MIPOL1: variants seen among roughly 807,000 people sequenced by gnomAD.
MIPOL1 encodes mirror-image polydactyly gene 1 protein.
A neutral mutation model predicts 60.9 loss-of-function variants in MIPOL1; 57 were observed. That is an observed-to-expected ratio of 0.94 (90% confidence interval 0.76 to 1.17). The LOEUF (loss-of-function observed/expected upper bound fraction) is 1.17. MIPOL1 is among the 50% of genes most tolerant of loss of function. The pLI, the probability that MIPOL1 is intolerant of heterozygous loss-of-function variation, is 0.00. For synonymous variants in MIPOL1, 179 were observed against 168.8 expected, an observed-to-expected ratio of 1.06 and a Z score of -0.47; for missense variants, 551 against 511.6, an observed-to-expected ratio of 1.08 and a Z score of -0.74.
chr14:37,239,141 G>T (rs1013312558), intron 1 of MIPOL1, among the ~76,000 whole-genome samples: 2 of 150,784 alleles, frequency 1.3e-5, no homozygotes, highest in Non-Finnish European at 2.9e-5. Context: ...TGCCTCCCAG[G>T]TTCACACCTT....
chr14:37,546,837 GCC>G (rs2095549309), intron 12 of MIPOL1, 66 bp from the exon 13 acceptor site: 1 of 1,247,136 alleles, frequency 8.0e-7, no homozygotes, highest in Non-Finnish European at 1.2e-6. Context: ...TCCTTTATCA[GCC>G]AGGACATTCT....
At chr14:37,206,020 C>T (rs991887573) in intron 1 of MIPOL1, among the ~76,000 whole-genome samples, 1 of 152,052 alleles carries the variant, frequency 6.6e-6, no homozygotes, top group African/African-American at 2.4e-5. Context: ...AAAAGAAAAA[C>T]CCATTTTCTG....
chr14:37,266,372 C>G (rs577936162), intron 3 of MIPOL1, among the ~76,000 whole-genome samples: 1 of 152,132 alleles, frequency 6.6e-6, no homozygotes, highest in Non-Finnish European at 1.5e-5. Context: ...GGTCACCATG[C>G]TAGTTTTCTG....
At chr14:37,362,640 T>A (rs1484189282) in intron 9 of MIPOL1, among the ~76,000 whole-genome samples, 3 of 152,198 alleles carry the variant, frequency 2.0e-5, no homozygotes, top group African/African-American at 7.2e-5. Context: ...ATTTCCTGAA[T>A]TTGAATGTTG....
chr14:37,299,203 A>G (rs2086112770), intron 7 of MIPOL1, among the ~76,000 whole-genome samples: 1 of 151,918 alleles, frequency 6.6e-6, no homozygotes, highest in Non-Finnish European at 1.5e-5. Context: ...AAGGACAAAA[A>G]ACCAAACACC....
chr14:37,531,407 A>G (rs2153636315), intron 12 of MIPOL1, among the ~76,000 whole-genome samples: 1 of 152,264 alleles, frequency 6.6e-6, no homozygotes, highest in African/African-American at 2.4e-5. Flanking sequence ...CCTGCACTGA[A>G]CAACTAAAAG....
In MIPOL1 at chr14:37,209,381, G is replaced by A. The variant is rs981175566; in HGVS notation, c.-199+11277G>A. Among the ~76,000 whole-genome samples the A allele has an allele frequency of 5.3e-5, 8 of 152,196 alleles. No individual in the cohort carries two copies. In the South Asian group the frequency reaches 8.3e-4, roughly 16 times the overall value. ...TTTAGAAATTATATAACATAAGGCT[G>A]GGCATGGTGGCTCACCCATGTAATC... On this transcript the variant is annotated intron_variant, in intron 1 of 12. Transcript: ENST00000684589.
At chr14:37,428,645 G>A (rs576390185) in intron 11 of MIPOL1, among the ~76,000 whole-genome samples, 1 of 148,192 alleles carries the variant, frequency 6.7e-6, no homozygotes, top group African/African-American at 2.5e-5. Flanking sequence ...AAAAAAGTGG[G>A]TTTTTTTCCA....
At chr14:37,298,014 C>A (rs1238302564) in intron 7 of MIPOL1, among the ~76,000 whole-genome samples, 1 of 152,148 alleles carries the variant, frequency 6.6e-6, no homozygotes, top group African/African-American at 2.4e-5. Context: ...GCCAAAAGAA[C>A]AAAGCTGGAG....
chr14:37,214,959 G>A (rs1967363226), intron 1 of MIPOL1, among the ~76,000 whole-genome samples: 2 of 151,988 alleles, frequency 1.3e-5, no homozygotes, highest in South Asian at 2.1e-4. Flanking sequence ...AGGCCCACCC[G>A]CAGTTATCCG....
At chr14:37,304,519 GA>G (rs1299474377) in intron 7 of MIPOL1, among the ~76,000 whole-genome samples, 4 of 151,596 alleles carry the variant, frequency 2.6e-5, no homozygotes, top group African/African-American at 9.7e-5. Context: ...GTGGTGTGTA[GA>G]AAATGAGAGA....
Position 37,247,873 on chromosome 14 carries a change from A to G in MIPOL1, c.-16A>G, listed in dbSNP as rs2153356112. On this transcript the variant is annotated 5_prime_UTR_variant, in exon 3 of 13. Coordinates refer to ENST00000684589, the MANE Select transcript of MIPOL1 (RefSeq NM_001388067.1). ...AACCAGAGACATTGCCAGAGCAAACAAGAACAGAAATACAAATGGAGAACT... is the reference window on the plus strand; with the variant it reads ...AACCAGAGACATTGCCAGAGCAAACGAGAACAGAAATACAAATGGAGAACT... The G allele has an allele frequency of 1.2e-6, 2 of 1,613,200 alleles. No homozygotes were observed. Among genetic ancestry groups the G allele is most frequent in the South Asian group, 1.1e-5 (1 of 90,988 alleles).
At chr14:37,266,319 T>G (rs1461873496) in intron 3 of MIPOL1, among the ~76,000 whole-genome samples, 1 of 152,210 alleles carries the variant, frequency 6.6e-6, no homozygotes, top group Admixed American at 6.5e-5. Context: ...GATTACTTGT[T>G]CATTCTTGAC....
At chr14:37,325,109 G>C (rs2089009157) in intron 9 of MIPOL1, among the ~76,000 whole-genome samples, 1 of 152,064 alleles carries the variant, frequency 6.6e-6, no homozygotes, top group African/African-American at 2.4e-5. Context: ...TGAATCTATA[G>C]ATCATTGGAA....
In MIPOL1 at chr14:37,547,612, A is replaced by G. The variant is rs1387204862; in HGVS notation, c.*641A>G. On this transcript the variant is annotated 3_prime_UTR_variant, in exon 13 of 13. Transcript: ENST00000684589. ...GCATGATTTTTGTTTCACTACAAAT[A>G]ATGCAAACTGTTTTCAATAAAAAGA... The G allele has an allele frequency of 1.3e-5, 2 of 152,612 alleles. No individual in the cohort carries two copies. The highest frequency in any genetic ancestry group is 2.9e-5 in the Non-Finnish European group (2 of 68,010). 9.5% of individuals were successfully genotyped at this position (152,612 alleles called of 1,614,324 possible).
At chr14:37,493,025 G>A (rs573998712) in intron 11 of MIPOL1, among the ~76,000 whole-genome samples, 2 of 152,174 alleles carry the variant, frequency 1.3e-5, no homozygotes, top group African/African-American at 4.8e-5. Flanking sequence ...AAAATAAATA[G>A]CATATATACA....
intron 1 of MIPOL1, among the ~76,000 whole-genome samples, chr14:37,225,462 C>T (rs1456390295): frequency 6.6e-6 from 1 of 152,206 alleles, no homozygotes; most frequent in Non-Finnish European, 1.5e-5. Flanking sequence ...GCAGGCTCAA[C>T]ACCACATGGA....
intron 6 of MIPOL1, among the ~76,000 whole-genome samples, chr14:37,283,711 T>G (rs931270928): frequency 6.6e-6 from 1 of 152,206 alleles, no homozygotes; most frequent in African/African-American, 2.4e-5. Context: ...GGCCAAGAGC[T>G]TTCATATATT....
At chr14:37,345,199 A>T (rs530813879) in intron 9 of MIPOL1, among the ~76,000 whole-genome samples, 17 of 152,190 alleles carry the variant, frequency 1.1e-4, no homozygotes, top group African/African-American at 3.6e-4. Flanking sequence ...GACCTCCTGG[A>T]TGCAAGCAAT....
Sources: allele counts gnomAD v4.1 joint callset (sites outside exome capture counted in the v4.1 genomes callset), GRCh38; gene constraint gnomAD v4.1.1; transcripts MANE v1.5; gene names NCBI Gene and HGNC (gene_info 2026-07-23, HGNC 2026-07-21).